SLC15A5: variants seen among roughly 807,000 people sequenced by gnomAD.
The protein encoded by SLC15A5 is solute carrier family 15 member 5.
SLC15A5 carries 58 observed loss-of-function variants against 56.1 expected under a neutral mutation model. The observed-to-expected ratio is 1.03, with a 90% CI of 0.84 to 1.29. The LOEUF (loss-of-function observed/expected upper bound fraction) is 1.29, where lower values mean the gene tolerates loss of function less well. Ranked by LOEUF, SLC15A5 falls within the 50% of genes most tolerant of loss-of-function variation. SLC15A5 has a pLI of 0.00. For synonymous variants in SLC15A5, 264 were observed against 250.5 expected (o/e 1.05, Z -0.51); for missense variants, 681 against 672.1 (o/e 1.01, Z -0.15).
At chr12:16,250,488 A>G (rs1287778416) in intron 3 of SLC15A5, among the ~76,000 whole-genome samples, 2 of 152,036 alleles carry the variant, frequency 1.3e-5, no homozygotes, top group Non-Finnish European at 2.9e-5. Context: ...GTATAGAGAA[A>G]TAGCAGGAAA....
At chr12:16,202,745 A>T (rs1465690453) in intron 7 of SLC15A5, among the ~76,000 whole-genome samples, 3 of 152,210 alleles carry the variant, frequency 2.0e-5, no homozygotes, top group Non-Finnish European at 2.9e-5. Flanking sequence ...ATACATTTTA[A>T]AAAGTGGTAT....
In SLC15A5 at chr12:16,237,560, G is replaced by GA. The variant is rs533919742; in HGVS notation, c.1162+2120dup. Reference sequence around the variant, plus strand: ...ACTCTGTCTAACTTTTCTAAATCCAGAAAAAAAGTACTCTTCTTTAGGAAG... The same window carrying GA: ...ACTCTGTCTAACTTTTCTAAATCCAGAAAAAAAAGTACTCTTCTTTAGGAAG... On this transcript the variant is annotated intron_variant, in intron 5 of 8. Transcript: ENST00000344941. The surrounding 1 kb of genome is among the most constrained non-coding windows in gnomAD (Gnocchi z 4.1). 6.6e-6 allele frequency among the ~76,000 whole-genome samples: 1 copy of GA among 151,960 alleles called. No individual in the cohort carries two copies. The highest frequency in any genetic ancestry group is 1.9e-4 in the East Asian group (1 of 5,184).
Position 16,239,628 on chromosome 12 carries a change from T to C in SLC15A5, c.1162+53A>G, listed in dbSNP as rs968857896. ...AGCTAGTTCGGATCTTAGCAGAATG[T>C]TGTTTTAAAAAAGTTTCAAACGATT... On this transcript the variant is annotated intron_variant, in intron 5 of 8. Coordinates refer to ENST00000344941, the MANE Select transcript of SLC15A5 (RefSeq NM_001170798.1). 17 of 1,487,874 alleles carry C rather than the reference T, an allele frequency of 1.1e-5. No homozygotes were observed. In the African/African-American group the frequency reaches 2.2e-4, roughly 19 times the overall value. 92.2% of individuals were successfully genotyped at this position (1,487,874 alleles called of 1,614,324 possible). A position where few individuals can be genotyped will look rare whatever the true frequency, so the allele number is the denominator to read the frequency against.
intron 5 of SLC15A5, among the ~76,000 whole-genome samples, chr12:16,232,568 G>T (rs947484437): frequency 6.6e-6 from 1 of 152,166 alleles, no homozygotes; most frequent in African/African-American, 2.4e-5. Flanking sequence ...AAAGAGAGAA[G>T]AGCTTTCCGT....
chr12:16,193,836 A>AGAGAGG (rs1565654554), intron 8 of SLC15A5, among the ~76,000 whole-genome samples: 2 of 106,060 alleles, frequency 1.9e-5, no homozygotes, highest in East Asian at 2.4e-4. Flanking sequence ...AGAGAGAGAG[A>AGAGAGG]GAGAGAGAGG....
At chr12:16,220,132 C>T (rs975915909) in intron 6 of SLC15A5, among the ~76,000 whole-genome samples, 1 of 152,148 alleles carries the variant, frequency 6.6e-6, no homozygotes, top group Non-Finnish European at 1.5e-5. Context: ...AGAAGAAGTA[C>T]CACAGTCCCA....
intron 8 of SLC15A5, among the ~76,000 whole-genome samples, chr12:16,192,942 A>T (rs918780061): frequency 6.6e-6 from 1 of 152,124 alleles, no homozygotes; most frequent in Non-Finnish European, 1.5e-5. Flanking sequence ...AGCTTGCTGA[A>T]GTTTGTATAG....
chr12:16,205,919 T>C (rs1864014411), intron 7 of SLC15A5, among the ~76,000 whole-genome samples: 1 of 152,182 alleles, frequency 6.6e-6, no homozygotes. Context: ...CAGTGAGGAA[T>C]TATTTCCCTC....
intron 7 of SLC15A5, among the ~76,000 whole-genome samples, chr12:16,209,527 T>C (rs1022733323): frequency 1.3e-5 from 2 of 152,152 alleles, no homozygotes; most frequent in African/African-American, 4.8e-5. Flanking sequence ...ATATTTCTAT[T>C]TGGATGTCTC....
intron 5 of SLC15A5, among the ~76,000 whole-genome samples, chr12:16,232,935 GAGAGA>G (rs1442750550): frequency 7.2e-6 from 1 of 138,518 alleles, no homozygotes; most frequent in Non-Finnish European, 1.6e-5. Flanking sequence ...AAAAGAAAGA[GAGAGA>G]GAGAGGAAGA....
intron 7 of SLC15A5, among the ~76,000 whole-genome samples, chr12:16,203,491 T>G (rs1863983334): frequency 6.6e-6 from 1 of 152,120 alleles, no homozygotes; most frequent in Non-Finnish European, 1.5e-5. Flanking sequence ...TATCATAAGG[T>G]GATCTTAATA....
chr12:16,190,075 CAG>C (rs559517125), intron 8 of SLC15A5, among the ~76,000 whole-genome samples: 134 of 152,260 alleles, frequency 8.8e-4, no homozygotes, highest in African/African-American at 2.7e-3. Flanking sequence ...TCAGTGCTGA[CAG>C]AGAGATGGTG....
intron 3 of SLC15A5, among the ~76,000 whole-genome samples, chr12:16,254,235 A>C (rs1375802251): frequency 6.6e-6 from 1 of 152,060 alleles, no homozygotes; most frequent in Non-Finnish European, 1.5e-5. Flanking sequence ...TTGAAATAAT[A>C]ATAATAATAT....
intron 6 of SLC15A5, among the ~76,000 whole-genome samples, chr12:16,217,309 T>C (rs1176399371): frequency 2.0e-5 from 3 of 152,194 alleles, no homozygotes; most frequent in Non-Finnish European, 4.4e-5. Flanking sequence ...TCACTCCAAA[T>C]TGAATATTTC....
chr12:16,199,851 T>G (rs1863935292), intron 7 of SLC15A5, among the ~76,000 whole-genome samples: 1 of 152,098 alleles, frequency 6.6e-6, no homozygotes, highest in South Asian at 2.1e-4. Flanking sequence ...TAGGTGAGTA[T>G]GAGTTCTGGG....
Position 16,237,490 on chromosome 12 carries a change from G to A in SLC15A5, c.1162+2191C>T, listed in dbSNP as rs1231456867. Among the ~76,000 whole-genome samples, 1 of 152,032 alleles carries A rather than the reference G, an allele frequency of 6.6e-6. No individual in the cohort carries two copies. The highest frequency in any genetic ancestry group is 6.5e-5 in the Admixed American group (1 of 15,270). ...AATAGGTCTTGTTACCAATCTTGAA[G>A]GGGAATATTTAATTCATTAACAACA... On this transcript the variant is annotated intron_variant, in intron 5 of 8. Transcript: ENST00000344941. The surrounding 1 kb of genome is among the most constrained non-coding windows in gnomAD (Gnocchi z 4.1).
At chr12:16,266,070 C>T (rs143985228) in intron 2 of SLC15A5, among the ~76,000 whole-genome samples, 6 of 152,320 alleles carry the variant, frequency 3.9e-5, no homozygotes, top group Non-Finnish European at 8.8e-5. Flanking sequence ...AACGTGACCA[C>T]ATTGAGCAAA....
At chr12:16,255,412 A>T (rs1405637475) in intron 3 of SLC15A5, among the ~76,000 whole-genome samples, 1 of 152,092 alleles carries the variant, frequency 6.6e-6, no homozygotes, top group African/African-American at 2.4e-5. Context: ...TCCACTCTCA[A>T]ATTGGCAAAA....
intron 6 of SLC15A5, among the ~76,000 whole-genome samples, chr12:16,219,000 C>G (rs1361402038): frequency 1.3e-5 from 2 of 152,132 alleles, no homozygotes; most frequent in Non-Finnish European, 2.9e-5. Flanking sequence ...GTGTCCTGCA[C>G]ATGTCTTGAT....
Sources: gnomAD v4.1 joint callset for allele counts (sites outside exome capture counted in the v4.1 genomes callset) on GRCh38, gnomAD v4.1.1 for gene constraint, Gnocchi (gnomAD v3.1) non-coding constraint, MANE v1.5 for transcripts, NCBI Gene and HGNC (gene_info 2026-07-23, HGNC 2026-07-21) for gene names.